LGSN: variants seen among roughly 807,000 people sequenced by gnomAD.
The protein encoded by LGSN is lengsin, lens protein with glutamine synthetase domain, also known as lengsin.
A neutral mutation model predicts 19.5 loss-of-function variants in LGSN; 21 were observed. The ratio of observed to expected loss-of-function variants is 1.07; its 90% confidence interval spans 0.76 to 1.55. The LOEUF (loss-of-function observed/expected upper bound fraction) is 1.55. Among genes scored for constraint, LGSN ranks in the 40% most tolerant of loss-of-function variants. The pLI is 0.00. For missense variants in LGSN, 673 were observed against 608.5 expected, an observed-to-expected ratio of 1.11 and a Z score of -1.12; for synonymous variants, 257 against 215.6, an observed-to-expected ratio of 1.19 and a Z score of -1.68.
chr6:63,511,035 G>T, the LGSN span, among the ~76,000 whole-genome samples: 17 of 151,986 alleles, frequency 1.1e-4, no homozygotes, highest in Non-Finnish European at 2.1e-4. Flanking sequence ...AATAAAATGT[G>T]CTTGGTAGAA....
At chr6:63,535,930 G>A in the LGSN span, among the ~76,000 whole-genome samples, 1 of 152,092 alleles carries the variant, frequency 6.6e-6, no homozygotes, top group Non-Finnish European at 1.5e-5. Flanking sequence ...GCGCCACCAT[G>A]CACAGCTAAT....
At chr6:63,318,980 AAC>A in intron 1 of LGSN, among the ~76,000 whole-genome samples, 1 of 152,324 alleles carries the variant, frequency 6.6e-6, no homozygotes, top group Non-Finnish European at 1.5e-5. Flanking sequence ...TGATGCCTAC[AAC>A]AGTGACATGA....
the LGSN span, among the ~76,000 whole-genome samples, chr6:63,526,825 ATATATATATATT>A: frequency 1.8e-4 from 26 of 143,484 alleles, no homozygotes; most frequent in African/African-American, 6.8e-4. Context: ...ATATATATAT[ATATATATATATT>A]TATTTATTTA....
chr6:63,457,785 A>G, the LGSN span, among the ~76,000 whole-genome samples: 1 of 152,048 alleles, frequency 6.6e-6, no homozygotes, highest in Non-Finnish European at 1.5e-5. Context: ...AGGCTGAGGC[A>G]GGAGAATCAC....
intron 1 of LGSN, among the ~76,000 whole-genome samples, chr6:63,300,528 C>T (rs914151122): frequency 2.6e-5 from 4 of 151,786 alleles, no homozygotes; most frequent in Admixed American, 6.6e-5. Flanking sequence ...TAGCTAGGCA[C>T]GGTGGTGTGT....
Position 63,280,964 on chromosome 6 carries a change from T to C in LGSN, c.587A>G (p.Gln196Arg). 1 of 1,614,160 alleles carries C rather than the reference T, an allele frequency of 6.2e-7. No individual in the cohort carries two copies. ...YIAKRQLSHLQASGFSLLSAF... is the reference protein window; with the variant it reads ...YIAKRQLSHLRASGFSLLSAF... ...AGAAAGCAGGGAAAAGCCAGAGGCC[T>C]GCAGATGGCTCAGCTGCCTCTTTGC... The change falls in exon 4 of 4, where the codon CAG (glutamine) becomes CGG (arginine). Residue 196 changes from glutamine to arginine, a missense_variant. Gln to Arg is a conservative substitution (Grantham distance 43). Coordinates refer to ENST00000370657, the MANE Select transcript of LGSN (RefSeq NM_016571.3).
the LGSN span, among the ~76,000 whole-genome samples, chr6:63,356,995 C>A: frequency 8.4e-6 from 1 of 119,204 alleles, no homozygotes; most frequent in Non-Finnish European, 1.7e-5. Flanking sequence ...CCCCACCCCA[C>A]AACAGGCCCC....
chr6:63,466,519 A>T, the LGSN span, among the ~76,000 whole-genome samples: 2 of 152,226 alleles, frequency 1.3e-5, no homozygotes, highest in Non-Finnish European at 2.9e-5. Flanking sequence ...ACAGCACCAG[A>T]AAAACCATTT....
At chr6:63,308,607 G>T (rs1466637974) in intron 1 of LGSN, among the ~76,000 whole-genome samples, 1 of 142,712 alleles carries the variant, frequency 7.0e-6, no homozygotes, top group Admixed American at 7.3e-5. Flanking sequence ...CCTTTTTAAT[G>T]TCAATACAAA....
At chr6:63,572,184 C>G in the LGSN span, 5 of 154,704 alleles carry the variant, frequency 3.2e-5, no homozygotes, top group South Asian at 8.2e-4. Flanking sequence ...ATGATTCCTT[C>G]CAGTCGATAA....
the LGSN span, among the ~76,000 whole-genome samples, chr6:63,330,429 G>A: frequency 6.6e-6 from 1 of 152,134 alleles, no homozygotes; most frequent in African/African-American, 2.4e-5. Context: ...TTTGTTCAAG[G>A]CTCAGGGCTT....
At chr6:63,428,193 T>A in the LGSN span, among the ~76,000 whole-genome samples, 35 of 152,126 alleles carry the variant, frequency 2.3e-4, no homozygotes, top group African/African-American at 7.5e-4. Context: ...ATAAAGCAGG[T>A]TCCCCAACCT....
the LGSN span, among the ~76,000 whole-genome samples, chr6:63,531,286 G>C: frequency 1.8e-3 from 279 of 152,244 alleles, 1 homozygote; most frequent in Non-Finnish European, 3.3e-3. Flanking sequence ...GTGGGGAATA[G>C]ATGGAATGAA....
chr6:63,465,324 G>A, the LGSN span, among the ~76,000 whole-genome samples: 1 of 151,674 alleles, frequency 6.6e-6, no homozygotes, highest in South Asian at 2.1e-4. Context: ...GGGATTACAG[G>A]CACCCACCAC....
the LGSN span, among the ~76,000 whole-genome samples, chr6:63,331,903 C>T: frequency 6.6e-6 from 1 of 152,108 alleles, no homozygotes; most frequent in African/African-American, 2.4e-5. Context: ...GAGTCCTAAG[C>T]ATTCTCCTGT....
chr6:63,285,615 G>A lies in LGSN; in HGVS notation c.302C>T (p.Ser101Phe). 1 of 1,614,080 alleles carries A rather than the reference G, an allele frequency of 6.2e-7. No individual in the cohort carries two copies. Among genetic ancestry groups the A allele is most frequent in the Admixed American group, 1.7e-5 (1 of 60,026 alleles). ...AAAAAAGTGTGCAGGGATAGTCTTA[G>A]ACCTGGACACGCCGTGGAGGTCTGT... Reference protein sequence around the residue: ...EATDLHGVSRSKTIPAHFFQE... With the variant: ...EATDLHGVSRFKTIPAHFFQE... Residue 101 changes from serine to phenylalanine, a missense_variant, in exon 3 of 4, where the codon TCT becomes TTT. By Grantham distance (155) the Ser-to-Phe change is radical. Transcript: ENST00000370657.
the LGSN span, among the ~76,000 whole-genome samples, chr6:63,412,687 AAG>A: frequency 0.036 from 4,503 of 124,874 alleles, 266 homozygotes; most frequent in African/African-American, 0.093. Flanking sequence ...GAAAGAAAGA[AAG>A]AGAAAGAAAG....
the LGSN span, among the ~76,000 whole-genome samples, chr6:63,556,411 G>A: frequency 1.7e-4 from 26 of 152,030 alleles, no homozygotes; most frequent in African/African-American, 6.3e-4. Flanking sequence ...AAGCTCCTGG[G>A]CTCAAGTGAT....
At chr6:63,394,482 A>AG in the LGSN span, among the ~76,000 whole-genome samples, 1 of 152,186 alleles carries the variant, frequency 6.6e-6, no homozygotes, top group South Asian at 2.1e-4. Context: ...ATGGTTTAAA[A>AG]GGGGGAGGAA....
Sources: allele counts gnomAD v4.1 joint callset (sites outside exome capture counted in the v4.1 genomes callset), GRCh38; gene constraint gnomAD v4.1.1; transcripts MANE v1.5; gene names NCBI Gene and HGNC (gene_info 2026-07-23, HGNC 2026-07-21).